Variants in RANBP2 observed in about 807,000 individuals in gnomAD.
The protein encoded by RANBP2 is E3 SUMO-protein ligase RanBP2.
Under a neutral mutation model 303.6 loss-of-function variants are expected in RANBP2, and 57 were observed. That is an observed-to-expected ratio of 0.19 (90% confidence interval 0.15 to 0.23). The LOEUF is 0.23. Ranked by LOEUF, RANBP2 falls within the 10% of genes least tolerant of loss-of-function variation. The pLI, the probability that RANBP2 is intolerant of heterozygous loss-of-function variation, is 1.00. For missense variants in RANBP2, 3,138 were observed against 3,780.8 expected (o/e 0.83, Z 4.46); for synonymous variants, 1,167 against 1,301.5 (o/e 0.90, Z 2.23).
the RANBP2 span, among the ~76,000 whole-genome samples, chr2:108,948,627 G>A: frequency 6.6e-6 from 1 of 152,178 alleles, no homozygotes; most frequent in Non-Finnish European, 1.5e-5. Context: ...GAGAGAGAGA[G>A]AGAGTGAAGT....
At chr2:108,943,882 C>CAT in the RANBP2 span, among the ~76,000 whole-genome samples, 1 of 152,330 alleles carries the variant, frequency 6.6e-6, no homozygotes, top group South Asian at 2.1e-4. Context: ...TATAACCTTG[C>CAT]ATACCATTTC....
the RANBP2 span, among the ~76,000 whole-genome samples, chr2:109,031,892 A>AC: frequency 1.4e-5 from 1 of 71,862 alleles, no homozygotes; most frequent in African/African-American, 5.4e-5. Flanking sequence ...GCTACCACCC[A>AC]CCCCCCGCCA....
At chr2:109,544,320 T>C in the RANBP2 span, 3 of 1,589,326 alleles carry the variant, frequency 1.9e-6, no homozygotes, top group African/African-American at 1.4e-5. Flanking sequence ...TACAAAAAAT[T>C]GGAGCTGGAA....
chr2:109,212,640 C>T, the RANBP2 span, among the ~76,000 whole-genome samples: 2 of 152,210 alleles, frequency 1.3e-5, no homozygotes, highest in Non-Finnish European at 2.9e-5. Flanking sequence ...AATGTTTCTT[C>T]TCCAGATAGC....
chr2:108,838,022 G>A, the RANBP2 span, among the ~76,000 whole-genome samples: 170 of 152,126 alleles, frequency 1.1e-3, 1 homozygote, highest in Middle Eastern at 0.017. Context: ...GTTTCCACAT[G>A]AAAGGCAATG....
the RANBP2 span, among the ~76,000 whole-genome samples, chr2:109,078,100 A>ATATATATATATATGGCG: frequency 0.017 from 1,184 of 69,968 alleles, 92 homozygotes; most frequent in Non-Finnish European, 0.023. Context: ...ATATATATAT[A>ATATATATATATATGGCG]TATATATATA....
At chr2:109,297,575 A>G in the RANBP2 span, among the ~76,000 whole-genome samples, 1 of 135,650 alleles carries the variant, frequency 7.4e-6, no homozygotes, top group South Asian at 2.7e-4. Flanking sequence ...CACCTAGGCC[A>G]GTGTCCCCAA....
At chr2:109,371,801 C>T in the RANBP2 span, 5 of 826,936 alleles carry the variant, frequency 6.0e-6, no homozygotes, top group South Asian at 1.6e-5. Context: ...TCCACAATAG[C>T]CTCTGGCCAG....
chr2:109,374,864 C>G, the RANBP2 span, among the ~76,000 whole-genome samples: 6 of 152,310 alleles, frequency 3.9e-5, no homozygotes, highest in East Asian at 1.2e-3. Context: ...CAGCGCAGCT[C>G]AGGCCATGAT....
At chr2:109,761,450 C>T in the RANBP2 span, among the ~76,000 whole-genome samples, 1 of 149,634 alleles carries the variant, frequency 6.7e-6, no homozygotes, top group Non-Finnish European at 1.5e-5. Context: ...CCCACCCGGG[C>T]GCCCCAGGTA....
chr2:108,747,597 T>C (rs1274778151), intron 8 of RANBP2, among the ~76,000 whole-genome samples: 3 of 152,210 alleles, frequency 2.0e-5, no homozygotes, highest in Non-Finnish European at 4.4e-5. Context: ...TCTCTTTTCC[T>C]TCTACCCTTG....
the RANBP2 span, among the ~76,000 whole-genome samples, chr2:109,268,360 TAGTG>T: frequency 6.6e-6 from 1 of 151,770 alleles, no homozygotes; most frequent in African/African-American, 2.4e-5. Context: ...CAAGGACCCT[TAGTG>T]GGGATGTCCG....
the RANBP2 span, among the ~76,000 whole-genome samples, chr2:109,253,033 T>C: frequency 6.6e-6 from 1 of 152,178 alleles, no homozygotes; most frequent in East Asian, 1.9e-4. Context: ...TTTTTTTCTT[T>C]TTTTTTATTT....
chr2:109,013,789 A>C, the RANBP2 span, among the ~76,000 whole-genome samples: 5 of 152,180 alleles, frequency 3.3e-5, no homozygotes, highest in Admixed American at 2.0e-4. Flanking sequence ...CATGTTAGCC[A>C]GCTGGTCTGG....
chr2:109,393,177 C>G, the RANBP2 span, among the ~76,000 whole-genome samples: 1 of 152,222 alleles, frequency 6.6e-6, no homozygotes, highest in Non-Finnish European at 1.5e-5. Flanking sequence ...AGCAACCAGC[C>G]TTGGTGGCCT....
the RANBP2 span, among the ~76,000 whole-genome samples, chr2:109,100,449 C>T: frequency 7.8e-4 from 118 of 152,238 alleles, 2 homozygotes; most frequent in South Asian, 0.015. Context: ...CATCTCAGTC[C>T]GTGGAAAAAT....
At chr2:109,199,845 A>G in the RANBP2 span, among the ~76,000 whole-genome samples, 6 of 152,350 alleles carry the variant, frequency 3.9e-5, no homozygotes, top group South Asian at 2.1e-4. Flanking sequence ...AATGGAATGG[A>G]ATGGAAATAA....
the RANBP2 span, chr2:109,737,646 C>T: frequency 4.3e-6 from 1 of 233,776 alleles, no homozygotes; most frequent in East Asian, 1.2e-4. Flanking sequence ...TTTGAGGAAC[C>T]TCCATACTGT....
the RANBP2 span, among the ~76,000 whole-genome samples, chr2:109,253,203 T>A: frequency 6.6e-6 from 1 of 152,030 alleles, no homozygotes; most frequent in Admixed American, 6.6e-5. Context: ...AGTTTTTGTA[T>A]TTTTAGTAGA....
Sources: gnomAD v4.1 joint callset for allele counts (sites outside exome capture counted in the v4.1 genomes callset) on GRCh38, gnomAD v4.1.1 for gene constraint, MANE v1.5 for transcripts, NCBI Gene and HGNC (gene_info 2026-07-23, HGNC 2026-07-21) for gene names.